MAP3K2: variants seen among roughly 807,000 people sequenced by gnomAD.
MAP3K2 encodes the protein mitogen-activated protein kinase kinase kinase 2.
MAP3K2 carries 24 observed loss-of-function variants against 80.3 expected under a neutral mutation model. The ratio of observed to expected loss-of-function variants is 0.30; its 90% CI spans 0.22 to 0.42. The LOEUF (loss-of-function observed/expected upper bound fraction) is 0.42. Ranked by LOEUF, MAP3K2 falls within the 10% of genes least tolerant of loss-of-function variation. MAP3K2 has a pLI of 1.00. For missense variants in MAP3K2, 608 were observed against 750.1 expected, an observed-to-expected ratio of 0.81 and a Z score of 2.21; for synonymous variants, 244 against 253.7, an observed-to-expected ratio of 0.96 and a Z score of 0.36.
At chr2:127,316,202 C>CAA (rs1685899678) in intron 14 of MAP3K2, among the ~76,000 whole-genome samples, 1 of 152,026 alleles carries the variant, frequency 6.6e-6, no homozygotes, top group African/African-American at 2.4e-5. Context: ...GGTGAAACCT[C>CAA]GTCTCTACTA....
upstream of MAP3K2, chr2:127,387,996 C>T (rs1465790929): frequency 1.0e-6 from 1 of 983,600 alleles, no homozygotes; most frequent in African/African-American, 1.8e-5. Context: ...GCGCGGCGCA[C>T]GTCACGGCCG....
chr2:127,318,872 G>A (rs1685957655), intron 12 of MAP3K2, among the ~76,000 whole-genome samples: 2 of 152,134 alleles, frequency 1.3e-5, no homozygotes, highest in Admixed American at 6.6e-5. Flanking sequence ...GCTCACTTGT[G>A]GCAAAGCACA....
At chr2:127,384,771 C>T (rs2104908863) in intron 1 of MAP3K2, among the ~76,000 whole-genome samples, 1 of 152,154 alleles carries the variant, frequency 6.6e-6, no homozygotes, top group East Asian at 1.9e-4. Flanking sequence ...CAAGCACTCT[C>T]CCTGCTTCAG....
chr2:127,375,719 C>T (rs1008183821), intron 1 of MAP3K2, among the ~76,000 whole-genome samples: 4 of 152,098 alleles, frequency 2.6e-5, no homozygotes, highest in South Asian at 4.1e-4. Flanking sequence ...ACCTGCTACA[C>T]TCTATTTGGC....
rs1685869118 is a variant in MAP3K2, at chr2:127,314,771, A to G, written c.1439T>C (p.Val480Ala). ...TTACTTACCTTTGATATCTCTATGG[A>G]CAATCATATTACTGTGCAAATAATG... is the stretch of plus-strand genomic sequence containing the variant. ...GVHYLHSNMI[V>A]HRDIKGANIL... Residue 480 changes from valine to alanine, a missense_variant, in exon 15 of 17, where the codon GTC (valine) becomes GCC (alanine). By Grantham distance (64) the Val-to-Ala change is moderately conservative. Coordinates refer to ENST00000682094, the MANE Select transcript of MAP3K2 (RefSeq NM_001371910.2). 6.2e-7 allele frequency: 1 copy of G among 1,608,530 alleles called. No individual in the cohort carries two copies. Among genetic ancestry groups the G allele is most frequent in the East Asian group, 2.2e-5 (1 of 44,836 alleles).
In MAP3K2 at chr2:127,300,229, A is replaced by G. The variant is rs1685565037; in HGVS notation, c.*7350T>C. The G allele has an allele frequency of 6.6e-6, 1 of 152,132 alleles. No individual in the cohort carries two copies. The highest frequency in any genetic ancestry group is 1.5e-5 in the Non-Finnish European group (1 of 67,978). The allele number at this position is 152,132 out of a possible 1,614,324, so 9.4% of individuals were successfully genotyped here. A position where few individuals can be genotyped will look rare whatever the true frequency, so the allele number is the denominator to read the frequency against. ...ATGCACGCATTCATGATGCTCATAC[A>G]CTCATCAACAATTATTGGTCAGAGT... On this transcript the variant is annotated 3_prime_UTR_variant, in exon 17 of 17. Coordinates refer to ENST00000682094, the MANE Select transcript of MAP3K2 (RefSeq NM_001371910.2).
At chr2:127,330,073 C>A (rs1686222575) in intron 6 of MAP3K2, 65 bp from the exon 7 acceptor site, 1 of 909,080 alleles carries the variant, frequency 1.1e-6, no homozygotes, top group Non-Finnish European at 1.8e-6. Flanking sequence ...GAATCCTCTC[C>A]CCTACCAAGT....
intron 1 of MAP3K2, among the ~76,000 whole-genome samples, chr2:127,370,111 G>A (rs56276844): frequency 0.085 from 12,859 of 150,842 alleles, 541 homozygotes; most frequent in African/African-American, 0.16. Flanking sequence ...CAAGACTAGC[G>A]GGGGGTGGGG....
intron 15 of MAP3K2, among the ~76,000 whole-genome samples, chr2:127,314,316 C>T (rs879751613): frequency 1.1e-4 from 17 of 152,144 alleles, no homozygotes; most frequent in Admixed American, 2.0e-4. Flanking sequence ...AACTCATTTA[C>T]TCCTTACAAG....
intron 1 of MAP3K2, among the ~76,000 whole-genome samples, chr2:127,374,753 T>C (rs1485963597): frequency 1.3e-5 from 2 of 152,228 alleles, no homozygotes; most frequent in African/African-American, 2.4e-5. Context: ...TTTGCATTTA[T>C]GGGACGGCCC....
rs1044674704 is a variant in MAP3K2 at position 127,321,061 on chromosome 2, A to C, written c.1045+985T>G. ...CTTGAGCCCAGAAGGCAGAGGTTGC[A>C]ATGAGTTGAGATTGCACCACAGCCT... On this transcript the variant is annotated intron_variant, in intron 12 of 16. Transcript: ENST00000682094. The surrounding 1 kb of genome is among the most constrained non-coding windows in gnomAD (Gnocchi z 4.4). 6.6e-6 allele frequency among the ~76,000 whole-genome samples: 1 copy of C among 152,224 alleles called. No individual in the cohort carries two copies. The highest frequency in any genetic ancestry group is 2.4e-5 in the African/African-American group (1 of 41,460).
In MAP3K2 at chr2:127,324,355, G is replaced by A. The variant is rs1686088975; in HGVS notation, c.678-114C>T. On this transcript the variant is annotated intron_variant, in intron 9 of 16. Transcript: ENST00000682094. ...GCCTCTCTGTATGTGTTTGTGTAAA[G>A]GAGCTCACTTTGAAAGGTTAGCATA... The A allele has an allele frequency of 4.7e-5, 27 of 577,788 alleles. No homozygotes were observed. The Middle Eastern group carries it at 1.7e-3, about 36-fold the overall frequency. 35.8% of individuals were successfully genotyped at this position (577,788 alleles called of 1,614,324 possible). A position where few individuals can be genotyped will look rare whatever the true frequency, so the allele number is the denominator to read the frequency against.
At chr2:127,361,693 T>C (rs1686894892) in intron 1 of MAP3K2, among the ~76,000 whole-genome samples, 1 of 152,232 alleles carries the variant, frequency 6.6e-6, no homozygotes, top group Admixed American at 6.5e-5. Flanking sequence ...AAATGTTTTA[T>C]CATTTCTTGA....
At chr2:127,387,985 A>G (rs1339687240), upstream of MAP3K2, 3 of 984,036 alleles carry the variant, frequency 3.0e-6, no homozygotes, top group Non-Finnish European at 3.6e-6. Flanking sequence ...CGTCGGGCGT[A>G]GCGCGGCGCA....
intron 1 of MAP3K2, among the ~76,000 whole-genome samples, chr2:127,347,869 ATC>A (rs141868891): frequency 0.033 from 5,082 of 152,270 alleles, 109 homozygotes; most frequent in Non-Finnish European, 0.046. Flanking sequence ...ACTACCTCAC[ATC>A]CAGTAGGATG....
intron 1 of MAP3K2, among the ~76,000 whole-genome samples, chr2:127,379,272 A>G (rs1687208306): frequency 2.0e-5 from 3 of 152,226 alleles, no homozygotes; most frequent in African/African-American, 7.2e-5. Context: ...GACAGAATCT[A>G]TGTGGATTAT....
chr2:127,350,454 C>CAAAAAAAAAAAAAAAA (rs752516255), intron 1 of MAP3K2, among the ~76,000 whole-genome samples: 15 of 99,360 alleles, frequency 1.5e-4, no homozygotes, highest in African/African-American at 2.8e-4. Context: ...AAAACAAAAA[C>CAAAAAAAAAAAAAAAA]AAAAAAAAAA....
chr2:127,312,538 G>A (rs1176970109), intron 15 of MAP3K2, among the ~76,000 whole-genome samples: 4 of 152,130 alleles, frequency 2.6e-5, no homozygotes, highest in Non-Finnish European at 5.9e-5. Flanking sequence ...GTGTGTGCCT[G>A]TAGTCTCAGC....
intron 1 of MAP3K2, among the ~76,000 whole-genome samples, chr2:127,355,941 T>C (rs1686790409): frequency 6.6e-6 from 1 of 152,186 alleles, no homozygotes; most frequent in Admixed American, 6.5e-5. Flanking sequence ...CGCAGCATCT[T>C]CACCAGGAGT....
Sources: gnomAD v4.1 joint callset for allele counts (sites outside exome capture counted in the v4.1 genomes callset) on GRCh38, gnomAD v4.1.1 for gene constraint, Gnocchi (gnomAD v3.1) non-coding constraint, MANE v1.5 for transcripts, NCBI Gene and HGNC (gene_info 2026-07-23, HGNC 2026-07-21) for gene names.